Variants in MARCHF1 observed in about 807,000 individuals in gnomAD.
MARCHF1 encodes E3 ubiquitin-protein ligase MARCHF1.
In MARCHF1, 40 loss-of-function variants were observed where a neutral mutation model predicts 54.2. That is an observed-to-expected ratio of 0.74 (90% CI 0.57 to 0.96). The LOEUF is 0.96. Ranked by LOEUF, MARCHF1 falls within the 40% of genes least tolerant of loss-of-function variation. MARCHF1 has a pLI of 0.00. For missense variants in MARCHF1, 586 were observed against 656.5 expected, an observed-to-expected ratio of 0.89 and a Z score of 1.17; for synonymous variants, 236 against 236.3, an observed-to-expected ratio of 1.00 and a Z score of 0.01.
intron 1 of MARCHF1, among the ~76,000 whole-genome samples, chr4:164,331,748 A>G (rs990105351): frequency 1.8e-4 from 28 of 152,212 alleles, no homozygotes; most frequent in Admixed American, 2.0e-4. Context: ...TATGCTGATA[A>G]AAAGAAAATC....
intron 1 of MARCHF1, among the ~76,000 whole-genome samples, chr4:164,233,248 A>G (rs1732463458): frequency 6.6e-6 from 1 of 152,000 alleles, no homozygotes; most frequent in Non-Finnish European, 1.5e-5. Context: ...TTTCAAAAAA[A>G]AAACACATTA....
chr4:164,178,369 A>C (rs1381108545), intron 1 of MARCHF1, among the ~76,000 whole-genome samples: 1 of 152,180 alleles, frequency 6.6e-6, no homozygotes, highest in Non-Finnish European at 1.5e-5. Flanking sequence ...GGCCTGACTG[A>C]GGGATACATA....
intron 1 of MARCHF1, among the ~76,000 whole-genome samples, chr4:164,121,329 C>T (rs1252783971): frequency 6.6e-6 from 1 of 152,040 alleles, no homozygotes; most frequent in Non-Finnish European, 1.5e-5. Context: ...TAAAGAACTG[C>T]CCAAGACTGG....
intron 1 of MARCHF1, among the ~76,000 whole-genome samples, chr4:164,364,890 A>C (rs1730836184): frequency 6.6e-6 from 1 of 151,922 alleles, no homozygotes; most frequent in Admixed American, 6.6e-5. Context: ...ATCTTTTCAC[A>C]GCTGTTCCTC....
intron 1 of MARCHF1, among the ~76,000 whole-genome samples, chr4:164,201,261 C>T (rs918875136): frequency 6.6e-6 from 1 of 152,112 alleles, no homozygotes; most frequent in African/African-American, 2.4e-5. Context: ...CGCTCTGTTG[C>T]CAGGCTGGAG....
chr4:163,954,920 T>C (rs1167445324), intron 3 of MARCHF1, among the ~76,000 whole-genome samples: 1 of 152,232 alleles, frequency 6.6e-6, no homozygotes, highest in South Asian at 2.1e-4. Context: ...CAACAAACTA[T>C]AGACTGTTTG....
chr4:163,530,704 C>T (rs888389258), intron 9 of MARCHF1: 9 of 151,888 alleles, frequency 5.9e-5, no homozygotes, highest in African/African-American at 1.9e-4. Flanking sequence ...CAAATCTGAA[C>T]TTAGTTTTTG....
At chr4:164,125,915 C>T (rs1756169754) in intron 1 of MARCHF1, among the ~76,000 whole-genome samples, 1 of 152,178 alleles carries the variant, frequency 6.6e-6, no homozygotes, top group South Asian at 2.1e-4. Context: ...CCAAAACCAT[C>T]CCTGCCCCAT....
chr4:164,298,488 C>A (rs979702071), intron 1 of MARCHF1, among the ~76,000 whole-genome samples: 1 of 152,012 alleles, frequency 6.6e-6, no homozygotes, highest in Non-Finnish European at 1.5e-5. Flanking sequence ...TAGCCCAGAA[C>A]GTGGACAATT....
At chr4:163,852,628 A>AT (rs1749671996) in intron 4 of MARCHF1, among the ~76,000 whole-genome samples, 1 of 152,206 alleles carries the variant, frequency 6.6e-6, no homozygotes, top group Non-Finnish European at 1.5e-5. Flanking sequence ...AGTTTTGCAC[A>AT]TATCTCTCCA....
chr4:163,785,020 CA>C (rs1747576434), intron 4 of MARCHF1, among the ~76,000 whole-genome samples: 1 of 152,030 alleles, frequency 6.6e-6, no homozygotes, highest in Non-Finnish European at 1.5e-5. Flanking sequence ...TCTTTTGTAC[CA>C]GCAAAGGTAT....
chr4:164,369,396 G>A (rs960865878), intron 1 of MARCHF1, among the ~76,000 whole-genome samples: 3 of 152,128 alleles, frequency 2.0e-5, no homozygotes, highest in Non-Finnish European at 4.4e-5. Flanking sequence ...GCATCAAAGT[G>A]AACACATGAG....
At chr4:164,244,743 C>A (rs1018333456) in intron 1 of MARCHF1, among the ~76,000 whole-genome samples, 2 of 151,884 alleles carry the variant, frequency 1.3e-5, no homozygotes, top group African/African-American at 4.8e-5. Flanking sequence ...AGAGAAGAAT[C>A]AAATAGATGC....
At chr4:164,159,676 GT>G (rs981096166) in intron 1 of MARCHF1, among the ~76,000 whole-genome samples, 9 of 152,100 alleles carry the variant, frequency 5.9e-5, no homozygotes, top group African/African-American at 2.2e-4. Context: ...GTGCAGAAAC[GT>G]TTTTAATATC....
intron 3 of MARCHF1, among the ~76,000 whole-genome samples, chr4:163,857,752 T>A (rs1160132197): frequency 1.3e-5 from 2 of 152,162 alleles, no homozygotes; most frequent in African/African-American, 4.8e-5. Context: ...GGAGAATAAT[T>A]TACTTTTAAT....
intron 4 of MARCHF1, among the ~76,000 whole-genome samples, chr4:163,837,468 GAA>G (rs1422650134): frequency 6.6e-6 from 1 of 152,014 alleles, no homozygotes; most frequent in African/African-American, 2.4e-5. Context: ...TAATGACAGA[GAA>G]AAATGTGTTA....
intron 1 of MARCHF1, among the ~76,000 whole-genome samples, chr4:164,331,114 T>A (rs1436251802): frequency 6.6e-6 from 1 of 152,168 alleles, no homozygotes; most frequent in South Asian, 2.1e-4. Context: ...AGTCAATATT[T>A]CTCTTATCTC....
At chr4:164,125,262 G>C (rs919079887) in intron 1 of MARCHF1, among the ~76,000 whole-genome samples, 2 of 151,930 alleles carry the variant, frequency 1.3e-5, no homozygotes, top group African/African-American at 4.8e-5. Context: ...CATAAGTTCT[G>C]AAAATTTTTG....
At chr4:163,890,951 G>C (rs1047674646) in intron 3 of MARCHF1, among the ~76,000 whole-genome samples, 1 of 151,690 alleles carries the variant, frequency 6.6e-6, no homozygotes, top group African/African-American at 2.4e-5. Context: ...TAAATATTCA[G>C]AAAATTGTGC....
Sources: allele counts gnomAD v4.1 joint callset (sites outside exome capture counted in the v4.1 genomes callset), GRCh38; gene constraint gnomAD v4.1.1; transcripts MANE v1.5; gene names NCBI Gene and HGNC (gene_info 2026-07-23, HGNC 2026-07-21).